Variants in TXNDC16 observed in about 807,000 individuals in gnomAD.
The protein encoded by TXNDC16 is thioredoxin domain-containing protein 16.
Under a neutral mutation model 85.6 loss-of-function variants are expected in TXNDC16, and 74 were observed. The observed-to-expected ratio is 0.86, with a 90% CI of 0.72 to 1.05. The LOEUF (loss-of-function observed/expected upper bound fraction) is 1.05. Ranked by LOEUF, TXNDC16 falls within the 50% of genes least tolerant of loss-of-function variation. The probability of loss-of-function intolerance (pLI) is 0.00; values close to 1 mark genes in which losing one functional copy is unlikely to be tolerated. For missense variants in TXNDC16, 959 were observed against 947.0 expected (o/e 1.01, Z -0.17); for synonymous variants, 335 against 326.5 (o/e 1.03, Z -0.28).
In TXNDC16 at chr14:52,431,723, C is replaced by A. The variant is rs1160541573; in HGVS notation, c.*581G>T. ...CTAGTCATGACATCAAAAATGTCTC[C>A]CGACAATTGCTAAATATCCCCTGAG... On this transcript the variant is annotated 3_prime_UTR_variant, in exon 21 of 21. Coordinates refer to ENST00000281741, the MANE Select transcript of TXNDC16 (RefSeq NM_020784.3). 1 of 152,192 alleles carries A rather than the reference C, an allele frequency of 6.6e-6. No individual in the cohort carries two copies. The highest frequency in any genetic ancestry group is 2.4e-5 in the African/African-American group (1 of 41,424). The allele number at this position is 152,192 out of a possible 1,614,324, so 9.4% of individuals were successfully genotyped here.
intron 6 of TXNDC16, among the ~76,000 whole-genome samples, chr14:52,529,717 T>TTA (rs1281508796): frequency 8.6e-6 from 1 of 116,846 alleles, no homozygotes; most frequent in Non-Finnish European, 1.6e-5. Context: ...ATAATGCCTA[T>TTA]TATATATATT....
At chr14:52,498,657 G>C (rs910286151) in intron 9 of TXNDC16, among the ~76,000 whole-genome samples, 8 of 152,050 alleles carry the variant, frequency 5.3e-5, no homozygotes, top group Non-Finnish European at 8.8e-5. Context: ...ACATTGCTGA[G>C]AGAAAATTTA....
In TXNDC16 at chr14:52,479,570, C is replaced by CAA. The variant is rs201538999; in HGVS notation, c.1312+2658_1312+2659dup. Among the ~76,000 whole-genome samples the CAA allele has an allele frequency of 7.2e-5, 10 of 139,766 alleles. No homozygotes were observed. The South Asian group carries it at 1.1e-3, about 16-fold the overall frequency. The allele number at this position is 139,766 out of a possible 152,430, so 91.7% of individuals were successfully genotyped here. On this transcript the variant is annotated intron_variant, in intron 14 of 20. Transcript: ENST00000281741. ...AATTCAACCCCTTTTACAATAGCTG[C>CAA]AAAAAAAAAAAATAATAAAAATACT...
At chr14:52,488,269 A>G in intron 12 of TXNDC16, 94 bp downstream of exon 12, 1 of 1,470,144 alleles carries the variant, frequency 6.8e-7, no homozygotes, top group Non-Finnish European at 9.3e-7. Context: ...TTGAATCTGA[A>G]CACATTCTTG....
chr14:52,506,167 G>C (rs994382570), intron 9 of TXNDC16, among the ~76,000 whole-genome samples: 6 of 152,092 alleles, frequency 3.9e-5, no homozygotes, highest in African/African-American at 1.2e-4. Flanking sequence ...TGGTACCATT[G>C]CTTCTGAAAC....
chr14:52,435,915 G>T (rs2035016398), intron 20 of TXNDC16, among the ~76,000 whole-genome samples: 2 of 152,152 alleles, frequency 1.3e-5, no homozygotes, highest in Non-Finnish European at 2.9e-5. Flanking sequence ...GGAGTTCGGG[G>T]CTGTAGTGTG....
At position 52,432,192 on chromosome 14, in the gene TXNDC16, T is replaced by C. The variant is rs2034914151; in HGVS notation, c.*112A>G. On this transcript the variant is annotated 3_prime_UTR_variant, in exon 21 of 21. Coordinates refer to ENST00000281741, the MANE Select transcript of TXNDC16 (RefSeq NM_020784.3). ...ATAAAATATGTGACTTATATTATAA[T>C]TCTATTGGATGGCACTAGTCTGCAA... 1.1e-6 allele frequency: 1 copy of C among 875,072 alleles called. No individual in the cohort carries two copies. The highest frequency in any genetic ancestry group is 2.6e-5 in the South Asian group (1 of 38,448). The allele number at this position is 875,072 out of a possible 1,614,324, so 54.2% of individuals were successfully genotyped here. A position where few individuals can be genotyped will look rare whatever the true frequency, so the allele number is the denominator to read the frequency against.
At chr14:52,510,041 C>T (rs576084167) in intron 9 of TXNDC16, among the ~76,000 whole-genome samples, 32 of 150,720 alleles carry the variant, frequency 2.1e-4, no homozygotes, top group African/African-American at 6.6e-4. Flanking sequence ...TGGTGGCAAG[C>T]TCTGAATCTA....
rs1452697533 is a variant in TXNDC16 at position 52,433,772 on chromosome 14, A to G, written c.2195-1185T>C. 2.0e-5 allele frequency among the ~76,000 whole-genome samples: 3 copies of G among 152,266 alleles called. No homozygotes were observed. In the East Asian group the frequency reaches 5.8e-4, roughly 29 times the overall value. ...TGTTTCAAATTGGTGTTGCCAGGTT[A>G]GCAGGTTCAAAAGTGACAAATGGAT... On this transcript the variant is annotated intron_variant, in intron 20 of 20. Coordinates refer to ENST00000281741, the MANE Select transcript of TXNDC16 (RefSeq NM_020784.3).
In TXNDC16 at chr14:52,469,927, T is replaced by C. The variant is rs190553429; in HGVS notation, c.1618+110A>G. On this transcript the variant is annotated intron_variant, in intron 16 of 20. Transcript: ENST00000281741. Reference sequence around the variant, plus strand: ...TACGATATTTTATTTTTCTTCAAACTTCTCCATAATTTTGAAATTCTCTAT... The same window carrying C: ...TACGATATTTTATTTTTCTTCAAACCTCTCCATAATTTTGAAATTCTCTAT... The C allele has an allele frequency of 2.2e-4, 238 of 1,086,520 alleles. No individual in the cohort carries two copies. In the East Asian group the frequency reaches 2.6e-3, roughly 12 times the overall value. The allele number at this position is 1,086,520 out of a possible 1,614,324, so 67.3% of individuals were successfully genotyped here. A position where few individuals can be genotyped will look rare whatever the true frequency, so the allele number is the denominator to read the frequency against.
chr14:52,512,794 T>C (rs1187336368), intron 8 of TXNDC16, among the ~76,000 whole-genome samples: 3 of 152,186 alleles, frequency 2.0e-5, no homozygotes, highest in African/African-American at 7.2e-5. Flanking sequence ...GGGAACTTCG[T>C]TTGCCATATT....
At chr14:52,452,541 G>T (rs1328115304) in intron 18 of TXNDC16, among the ~76,000 whole-genome samples, 1 of 152,064 alleles carries the variant, frequency 6.6e-6, no homozygotes, top group Admixed American at 6.6e-5. Context: ...CATCTACAGT[G>T]AATTCGTTTT....
At chr14:52,450,444 G>C (rs1355269071) in intron 18 of TXNDC16, among the ~76,000 whole-genome samples, 5 of 143,888 alleles carry the variant, frequency 3.5e-5, no homozygotes, top group Non-Finnish European at 6.0e-5. Flanking sequence ...TAATACAAAG[G>C]CTTCCAGAAA....
At chr14:52,528,831 G>A (rs1566579996) in intron 6 of TXNDC16, among the ~76,000 whole-genome samples, 1 of 142,286 alleles carries the variant, frequency 7.0e-6, no homozygotes, top group East Asian at 2.0e-4. Context: ...TTATACCTAG[G>A]TATATATATA....
At chr14:52,455,230 C>A in intron 18 of TXNDC16, 94 bp downstream of exon 18, 1 of 1,463,822 alleles carries the variant, frequency 6.8e-7, no homozygotes, top group Non-Finnish European at 9.3e-7. Context: ...TGCCCTGTAC[C>A]AGCAAAAAAT....
At chr14:52,453,605 T>C (rs1017489668) in intron 18 of TXNDC16, among the ~76,000 whole-genome samples, 2 of 152,220 alleles carry the variant, frequency 1.3e-5, no homozygotes, top group Non-Finnish European at 2.9e-5. Context: ...ATGTTCTCAC[T>C]TATCTGTGGG....
At chr14:52,482,773 G>T in intron 13 of TXNDC16, 49 bp downstream of exon 13, 2 of 1,500,262 alleles carry the variant, frequency 1.3e-6, no homozygotes, top group Non-Finnish European at 1.8e-6. Flanking sequence ...TTAAATCTGG[G>T]TTTTTAAATG....
chr14:52,467,913 G>C (rs1371709694), intron 16 of TXNDC16, among the ~76,000 whole-genome samples: 1 of 152,158 alleles, frequency 6.6e-6, no homozygotes, highest in Non-Finnish European at 1.5e-5. Context: ...ATACTATTCG[G>C]CCTAAATTGG....
intron 16 of TXNDC16, among the ~76,000 whole-genome samples, chr14:52,466,759 C>T (rs1249034566): frequency 1.3e-5 from 2 of 151,374 alleles, no homozygotes; most frequent in East Asian, 2.0e-4. Context: ...CCCAGCTACT[C>T]GGGAGGCTGA....
Sources: allele counts gnomAD v4.1 joint callset (sites outside exome capture counted in the v4.1 genomes callset), GRCh38; gene constraint gnomAD v4.1.1; transcripts MANE v1.5; gene names NCBI Gene and HGNC (gene_info 2026-07-23, HGNC 2026-07-21).